DOCK11: variants seen among roughly 807,000 people sequenced by gnomAD.
DOCK11 encodes the protein dedicator of cytokinesis protein 11.
A neutral mutation model predicts 169.1 loss-of-function variants in DOCK11; 70 were observed. That is an observed-to-expected ratio of 0.41 (90% CI 0.34 to 0.51). DOCK11 has a LOEUF of 0.51. Among genes scored for constraint, DOCK11 ranks in the 20% least tolerant of loss-of-function variants. The pLI, the probability that DOCK11 is intolerant of heterozygous loss-of-function variation, is 0.10. For missense variants in DOCK11, 1,166 were observed against 1,538.8 expected (o/e 0.76, Z 4.05); for synonymous variants, 529 against 541.3 (o/e 0.98, Z 0.32).
At chrX:118,599,272 C>G (rs1020534337) in intron 23 of DOCK11, 44 bp downstream of exon 23, 2 of 956,709 alleles carry the variant, frequency 2.1e-6, no homozygotes, top group African/African-American at 1.9e-5. Context: ...TTTTTCATGT[C>G]TTTCTGTTGC....
At chrX:118,553,221 A>G (rs754091647) in intron 6 of DOCK11, among the ~76,000 whole-genome samples, 1 of 111,855 alleles carries the variant, frequency 8.9e-6, no homozygotes, top group East Asian at 2.8e-4. Flanking sequence ...GCTTTATTCA[A>G]CTTCTTTTCA....
At chrX:118,679,389 T>C (rs745773180) in intron 48 of DOCK11, among the ~76,000 whole-genome samples, 335 of 112,182 alleles carry the variant, frequency 3.0e-3, no homozygotes, top group Non-Finnish European at 4.8e-3. Flanking sequence ...AATGAGAGAA[T>C]GGTCCAATAA....
intron 48 of DOCK11, among the ~76,000 whole-genome samples, chrX:118,679,889 G>C (rs1224313121): frequency 9.5e-6 from 1 of 105,059 alleles, no homozygotes; most frequent in Non-Finnish European, 1.9e-5. Flanking sequence ...TGTGAATAAT[G>C]ATCATTGCTG....
At chrX:118,593,412 C>T (rs1055106553) in intron 20 of DOCK11, 75 bp downstream of exon 20, 9 of 1,017,745 alleles carry the variant, frequency 8.8e-6, no homozygotes, top group African/African-American at 1.9e-5. Context: ...CTCTTTTCAC[C>T]AAGCTATAGA....
intron 38 of DOCK11, among the ~76,000 whole-genome samples, chrX:118,640,093 C>T (rs191614328): frequency 2.7e-5 from 3 of 112,114 alleles, no homozygotes; most frequent in Non-Finnish European, 3.8e-5. Context: ...CTGCAGAAAT[C>T]GGTGAATCCT....
At chrX:118,551,430 G>A (rs2012488831) in intron 6 of DOCK11, among the ~76,000 whole-genome samples, 1 of 112,411 alleles carries the variant, frequency 8.9e-6, no homozygotes, top group African/African-American at 3.2e-5. Flanking sequence ...TGGGCATAGT[G>A]GCTCATGCCT....
intron 16 of DOCK11, 91 bp downstream of exon 16, chrX:118,585,208 A>G (rs2013782018): frequency 1.2e-6 from 1 of 844,470 alleles, no homozygotes; most frequent in Non-Finnish European, 1.7e-6. Context: ...TACGTGGCAT[A>G]TTAGTTTCCC....
In DOCK11 at chrX:118,604,367, G is replaced by A. The variant is rs190806267; in HGVS notation, c.2563-871G>A. Among the ~76,000 whole-genome samples, 7 of 111,169 alleles carry A rather than the reference G, an allele frequency of 6.3e-5. No individual in the cohort carries two copies. The East Asian group carries it at 1.7e-3, about 27-fold the overall frequency. On this transcript the variant is annotated intron_variant, in intron 23 of 52. Coordinates refer to ENST00000276202, the MANE Select transcript of DOCK11 (RefSeq NM_144658.4). ...TATACTATTTTGGTTATTGATTAGA[G>A]GGTCTTGAAGACAGATAGTGGCAAA...
rs2015527399 is a variant in DOCK11 at position 118,641,275 on chromosome X, C to T, written c.4230C>T (p.Asp1410=). ...TATEVSLTVL[D]TISFFTQCFK... ...CTGAAGTTTCCCTAACAGTACTAGACACCATATCATTTTTCACTCAGTGCT... is the reference window on the plus strand; with the variant it reads ...CTGAAGTTTCCCTAACAGTACTAGATACCATATCATTTTTCACTCAGTGCT... The change falls in exon 39 of 53, where the codon GAC becomes GAT. Residue 1410 remains aspartate (D), a synonymous_variant. Coordinates refer to ENST00000276202, the MANE Select transcript of DOCK11 (RefSeq NM_144658.4). 8.3e-6 allele frequency: 10 copies of T among 1,203,048 alleles called. No homozygotes were observed. Among genetic ancestry groups the T allele is most frequent in the East Asian group, 5.9e-5 (2 of 33,807 alleles).
Position 118,582,440 on chromosome X carries a change from G to T in DOCK11, c.1595+2261G>T, listed in dbSNP as rs764798612. ...TACCAGTAGAAAAGTTAATTTTGAAGTCTTCAAAGTTAGAAGCTTTGATTT... is the reference window on the plus strand; with the variant it reads ...TACCAGTAGAAAAGTTAATTTTGAATTCTTCAAAGTTAGAAGCTTTGATTT... On this transcript the variant is annotated intron_variant, in intron 14 of 52. Transcript: ENST00000276202. 1.3e-4 allele frequency among the ~76,000 whole-genome samples: 14 copies of T among 111,289 alleles called. No individual in the cohort carries two copies. The South Asian group carries it at 4.9e-3, about 39-fold the overall frequency.
chrX:118,550,880 T>G (rs2012470507), intron 6 of DOCK11, among the ~76,000 whole-genome samples: 1 of 112,079 alleles, frequency 8.9e-6, no homozygotes, highest in Non-Finnish European at 1.9e-5. Flanking sequence ...ATGTATTTTT[T>G]TTCTACTATG....
chrX:118,507,402 C>G lies in DOCK11; in HGVS notation c.102+11329C>G. ...TTTTTTCCGGAGACAGAGTCTTGCT[C>G]TGTCACCCAGGCTGGAGTGCAGTGG... On this transcript the variant is annotated intron_variant, in intron 1 of 52. Transcript: ENST00000276202. 4.6e-5 allele frequency among the ~76,000 whole-genome samples: 5 copies of G among 107,747 alleles called. 2 individuals carry two copies. In the Middle Eastern group the frequency reaches 0.024, roughly 516 times the overall value. The allele number at this position is 107,747 out of a possible 115,157, so 93.6% of individuals were successfully genotyped here.
intron 48 of DOCK11, among the ~76,000 whole-genome samples, chrX:118,677,443 G>T (rs2016635957): frequency 8.9e-6 from 1 of 111,893 alleles, no homozygotes; most frequent in Non-Finnish European, 1.9e-5. Flanking sequence ...AGTTGCCTTG[G>T]GTGTGCCCAG....
intron 1 of DOCK11, among the ~76,000 whole-genome samples, chrX:118,500,278 G>C (rs1036634190): frequency 9.0e-6 from 1 of 110,700 alleles, no homozygotes; most frequent in African/African-American, 3.3e-5. Context: ...TCGATCTCCT[G>C]ACCTCGTGAT....
chrX:118,544,645 C>CTTTTTTTTTTTTTTTTTTTTT lies in DOCK11; in HGVS notation c.393-666_393-646dup, dbSNP rs1157804079. Among the ~76,000 whole-genome samples the CTTTTTTTTTTTTTTTTTTTTT allele has an allele frequency of 6.4e-4, 15 of 23,363 alleles. 1 individual carries two copies. Among genetic ancestry groups the CTTTTTTTTTTTTTTTTTTTTT allele is most frequent in the South Asian group, 3.5e-3 (1 of 286 alleles). 20.3% of individuals were successfully genotyped at this position (23,363 alleles called of 115,157 possible). ...TGCAAGAGCCAGAATTACACTGTTG[C>CTTTTTTTTTTTTTTTTTTTTT]TTTTTTTTTTTTTTTTTTTTTTTTT... On this transcript the variant is annotated intron_variant, in intron 4 of 52. Transcript: ENST00000276202.
Position 118,683,334 on chromosome X carries a change from A to T in DOCK11, c.6102+117A>T, listed in dbSNP as rs1256957253. On this transcript the variant is annotated intron_variant, in intron 52 of 52. Coordinates refer to ENST00000276202, the MANE Select transcript of DOCK11 (RefSeq NM_144658.4). ...TAAAGTTATTAAGTCTATATTTTAA[A>T]CTTTTTTCATATTATCTTTAATCAT... 3 of 793,274 alleles carry T rather than the reference A, an allele frequency of 3.8e-6. No homozygotes were observed. In the East Asian group the frequency reaches 1.1e-4, roughly 29 times the overall value. The allele number at this position is 793,274 out of a possible 1,213,427, so 65.4% of individuals were successfully genotyped here. A position where few individuals can be genotyped will look rare whatever the true frequency, so the allele number is the denominator to read the frequency against.
intron 35 of DOCK11, among the ~76,000 whole-genome samples, 161 bp from the exon 36 acceptor site, chrX:118,636,185 T>C (rs1244141297): frequency 8.9e-6 from 1 of 112,029 alleles, no homozygotes; most frequent in East Asian, 2.8e-4. Context: ...TTCAAAAGAA[T>C]ACAGAGTGTA....
At chrX:118,584,707 TA>T (rs35145775) in intron 14 of DOCK11, 27 bp from the exon 15 acceptor site, 1 of 1,090,564 alleles carries the variant, frequency 9.2e-7, no homozygotes, top group Middle Eastern at 2.9e-4. Context: ...TTTTTTTTTT[TA>T]AAAAAATGCT....
At chrX:118,607,056 T>G (rs1168899596) in intron 24 of DOCK11, among the ~76,000 whole-genome samples, 1 of 107,634 alleles carries the variant, frequency 9.3e-6, no homozygotes, top group Non-Finnish European at 1.9e-5. Flanking sequence ...CCCTTTCCTT[T>G]CCTTTTCCTT....
Sources: allele counts gnomAD v4.1 joint callset (sites outside exome capture counted in the v4.1 genomes callset), GRCh38; gene constraint gnomAD v4.1.1; transcripts MANE v1.5; gene names NCBI Gene and HGNC (gene_info 2026-07-23, HGNC 2026-07-21).